IGF2BP3: variants seen among roughly 807,000 people sequenced by gnomAD.
IGF2BP3 encodes insulin like growth factor 2 mRNA binding protein 3.
In IGF2BP3, 9 loss-of-function variants were observed where a neutral mutation model predicts 73.8. That is an observed-to-expected ratio of 0.12 (90% CI 0.07 to 0.21). IGF2BP3 has a LOEUF of 0.21. Ranked by LOEUF, IGF2BP3 falls within the 10% of genes least tolerant of loss-of-function variation. The pLI, the probability that IGF2BP3 is intolerant of heterozygous loss-of-function variation, is 1.00. For synonymous variants in IGF2BP3, 258 were observed against 256.7 expected (o/e 1.01, Z -0.05); for missense variants, 542 against 714.0 (o/e 0.76, Z 2.75).
intron 2 of IGF2BP3, among the ~76,000 whole-genome samples, chr7:23,465,521 G>C (rs1317453375): frequency 1.5e-5 from 2 of 131,236 alleles, no homozygotes; most frequent in Admixed American, 7.4e-5. Flanking sequence ...TTCCTGAAAG[G>C]GTCCCCCCCC....
intron 3 of IGF2BP3, among the ~76,000 whole-genome samples, chr7:23,389,625 T>C (rs1786205947): frequency 6.6e-6 from 1 of 151,700 alleles, no homozygotes; most frequent in Non-Finnish European, 1.5e-5. Context: ...CTGTAACTGT[T>C]TGCCCAAAAA....
intron 2 of IGF2BP3, 42 bp downstream of exon 2, chr7:23,468,440 G>A (rs1788621262): frequency 1.9e-6 from 3 of 1,603,200 alleles, no homozygotes; most frequent in South Asian, 1.1e-5. Flanking sequence ...ACCCAATAAC[G>A]GAGTGAGAAC....
chr7:23,364,890 G>A (rs1785330120), intron 3 of IGF2BP3, among the ~76,000 whole-genome samples: 1 of 151,944 alleles, frequency 6.6e-6, no homozygotes, highest in Non-Finnish European at 1.5e-5. Flanking sequence ...TTTAGGACCA[G>A]ACACGGTGGC....
At chr7:23,401,739 T>A (rs774186642) in intron 3 of IGF2BP3, among the ~76,000 whole-genome samples, 6 of 151,200 alleles carry the variant, frequency 4.0e-5, no homozygotes, top group Non-Finnish European at 7.4e-5. Context: ...CACTCCAGCC[T>A]GGGTTACAGA....
rs34563888 is a variant in IGF2BP3, at chr7:23,460,201, A to AAAAAAAAAC, written c.236+8280_236+8281insGTTTTTTTT. Among the ~76,000 whole-genome samples, 35 of 147,020 alleles carry AAAAAAAAAC rather than the reference A, an allele frequency of 2.4e-4. 1 individual carries two copies. Among genetic ancestry groups the AAAAAAAAAC allele is most frequent in the Non-Finnish European group, 4.7e-4 (31 of 66,294 alleles). ...CTCAAAAAAAAAAAAAAAAAACAAAAACGAAAGTGAGCTCACACTCACCAG... is the reference window on the plus strand; with the variant it reads ...CTCAAAAAAAAAAAAAAAAAACAAAAAAAAAAAACACGAAAGTGAGCTCACACTCACCAG... On this transcript the variant is annotated intron_variant, in intron 2 of 14. Transcript: ENST00000258729.
At chr7:23,315,579 G>GC (rs1783964313) in intron 12 of IGF2BP3, among the ~76,000 whole-genome samples, 1 of 152,094 alleles carries the variant, frequency 6.6e-6, no homozygotes, top group East Asian at 1.9e-4. Flanking sequence ...TACCCAACAC[G>GC]CGTTCACTGA....
chr7:23,340,728 T>C (rs562527151), intron 10 of IGF2BP3, among the ~76,000 whole-genome samples: 1 of 152,326 alleles, frequency 6.6e-6, no homozygotes, highest in Admixed American at 6.5e-5. Context: ...AATAATTTAT[T>C]CCATCAGGTG....
Position 23,328,618 on chromosome 7 carries a change from A to G in IGF2BP3, c.1204-9364T>C, listed in dbSNP as rs556376477. Among the ~76,000 whole-genome samples, 5 of 152,360 alleles carry G rather than the reference A, an allele frequency of 3.3e-5. No individual in the cohort carries two copies. The South Asian group carries it at 1.0e-3, about 32-fold the overall frequency. Reference sequence around the variant, plus strand: ...CAATAAAATTGAAATGGGAAAGGATAACTGGACAAGAGAAAAATTAAAGTA... The same window carrying G: ...CAATAAAATTGAAATGGGAAAGGATGACTGGACAAGAGAAAAATTAAAGTA... On this transcript the variant is annotated intron_variant, in intron 10 of 14. Transcript: ENST00000258729.
At chr7:23,398,343 T>G (rs1165671474) in intron 3 of IGF2BP3, among the ~76,000 whole-genome samples, 1 of 152,232 alleles carries the variant, frequency 6.6e-6, no homozygotes, top group Non-Finnish European at 1.5e-5. Flanking sequence ...TCCAAGTCTT[T>G]GCTACTGTTA....
At chr7:23,325,766 T>G (rs1784277539) in intron 10 of IGF2BP3, among the ~76,000 whole-genome samples, 1 of 152,068 alleles carries the variant, frequency 6.6e-6, no homozygotes, top group Non-Finnish European at 1.5e-5. Flanking sequence ...CCCTCAGAAA[T>G]AACACCGCGT....
At position 23,319,360 on chromosome 7, in the gene IGF2BP3, G is replaced by T. The variant is rs535798170; in HGVS notation, c.1204-106C>A. The T allele has an allele frequency of 3.4e-4, 236 of 697,074 alleles. 3 individuals are homozygous for T. The highest frequency in any genetic ancestry group is 3.1e-3 in the South Asian group (165 of 53,114). The allele number at this position is 697,074 out of a possible 1,614,324, so 43.2% of individuals were successfully genotyped here. A position where few individuals can be genotyped will look rare whatever the true frequency, so the allele number is the denominator to read the frequency against. ...CCTTCTCATGCAGTAGGAATACCAG[G>T]AAAGTTTAAGGAAAAGCTACCATAA... On this transcript the variant is annotated intron_variant, in intron 10 of 14. Coordinates refer to ENST00000258729, the MANE Select transcript of IGF2BP3 (RefSeq NM_006547.3).
intron 10 of IGF2BP3, among the ~76,000 whole-genome samples, chr7:23,324,132 G>T (rs1039298388): frequency 1.3e-5 from 2 of 152,038 alleles, no homozygotes; most frequent in Non-Finnish European, 2.9e-5. Flanking sequence ...GAATCCAGGA[G>T]CTGGTTTTTT....
At chr7:23,318,363 C>T (rs202085564) in intron 11 of IGF2BP3, among the ~76,000 whole-genome samples, 1 of 152,092 alleles carries the variant, frequency 6.6e-6, no homozygotes, top group East Asian at 1.9e-4. Flanking sequence ...GCTGGGACTA[C>T]AGGTGTGTGC....
intron 2 of IGF2BP3, among the ~76,000 whole-genome samples, chr7:23,426,276 T>G (rs1787507366): frequency 7.8e-6 from 1 of 128,234 alleles, no homozygotes; most frequent in Non-Finnish European, 1.5e-5. Context: ...GCTGAGACCG[T>G]GCCATTGCAC....
chr7:23,317,779 C>A (rs900890440), intron 11 of IGF2BP3, 66 bp from the exon 12 acceptor site: 57 of 1,277,586 alleles, frequency 4.5e-5, no homozygotes, highest in Non-Finnish European at 5.3e-5. Flanking sequence ...TTGGGCCAAC[C>A]AGCCTAACAT....
At chr7:23,440,030 G>A (rs1035978307) in intron 2 of IGF2BP3, among the ~76,000 whole-genome samples, 3 of 152,158 alleles carry the variant, frequency 2.0e-5, no homozygotes, top group Non-Finnish European at 2.9e-5. Flanking sequence ...TTGGGAGGCC[G>A]AGGTGGGCAG....
chr7:23,313,427 T>C, intron 13 of IGF2BP3, 95 bp downstream of exon 13: 1 of 1,425,098 alleles, frequency 7.0e-7, no homozygotes, highest in Non-Finnish European at 9.5e-7. Flanking sequence ...TCCTGCTTTT[T>C]ATAAATTAGC....
At chr7:23,353,988 A>C (rs765705355) in intron 5 of IGF2BP3, among the ~76,000 whole-genome samples, 2 of 152,218 alleles carry the variant, frequency 1.3e-5, no homozygotes, top group Non-Finnish European at 2.9e-5. Flanking sequence ...CTTTCAAAAC[A>C]GCTTTATTTA....
intron 2 of IGF2BP3, among the ~76,000 whole-genome samples, chr7:23,442,932 T>TCTAG (rs1787969953): frequency 6.6e-6 from 1 of 152,064 alleles, no homozygotes; most frequent in Non-Finnish European, 1.5e-5. Context: ...TAACTAGAAT[T>TCTAG]TTATGTTTAA....
Sources: gnomAD v4.1 joint callset for allele counts (sites outside exome capture counted in the v4.1 genomes callset) on GRCh38, gnomAD v4.1.1 for gene constraint, MANE v1.5 for transcripts, NCBI Gene and HGNC (gene_info 2026-07-23, HGNC 2026-07-21) for gene names.